STARD13: variants seen among roughly 807,000 people sequenced by gnomAD.
The protein encoded by STARD13 is StAR related lipid transfer domain containing 13, also known as stAR-related lipid transfer protein 13.
STARD13 carries 62 observed loss-of-function variants against 106.4 expected under a neutral mutation model. That is an observed-to-expected ratio of 0.58 (90% CI 0.48 to 0.72). The LOEUF (loss-of-function observed/expected upper bound fraction) is 0.72, where lower values mean the gene tolerates loss of function less well. Among genes scored for constraint, STARD13 ranks in the 30% least tolerant of loss-of-function variants. The probability of loss-of-function intolerance (pLI) is 0.00; values close to 1 mark genes in which losing one functional copy is unlikely to be tolerated. For missense variants in STARD13, 1,387 were observed against 1,424.0 expected (o/e 0.97, Z 0.42); for synonymous variants, 565 against 553.0 (o/e 1.02, Z -0.31).
the STARD13 span, among the ~76,000 whole-genome samples, chr13:33,675,565 G>A: frequency 6.6e-6 from 1 of 152,162 alleles, no homozygotes; most frequent in African/African-American, 2.4e-5. Flanking sequence ...GAAAGGATAT[G>A]GAGCAAGAAT....
chr13:33,372,604 G>A, the STARD13 span, among the ~76,000 whole-genome samples: 1 of 151,458 alleles, frequency 6.6e-6, no homozygotes, highest in Non-Finnish European at 1.5e-5. Flanking sequence ...TTTCAAATAT[G>A]AACCAACCGA....
chr13:33,450,077 C>A, the STARD13 span, among the ~76,000 whole-genome samples: 1 of 152,114 alleles, frequency 6.6e-6, no homozygotes, highest in African/African-American at 2.4e-5. Flanking sequence ...CCCTTTATTT[C>A]TTTCTTCTAC....
intron 1 of STARD13, among the ~76,000 whole-genome samples, chr13:33,293,947 C>T (rs1892388663): frequency 6.6e-6 from 1 of 152,178 alleles, no homozygotes; most frequent in South Asian, 2.1e-4. Flanking sequence ...TTATATCTAT[C>T]TATCCTATTA....
intron 1 of STARD13, among the ~76,000 whole-genome samples, chr13:33,293,534 C>T (rs559434873): frequency 2.6e-5 from 4 of 152,182 alleles, no homozygotes; most frequent in African/African-American, 4.8e-5. Flanking sequence ...TGGGAAGAGC[C>T]TTAAATACTG....
chr13:33,512,501 C>T, the STARD13 span, among the ~76,000 whole-genome samples: 1 of 151,774 alleles, frequency 6.6e-6, no homozygotes, highest in South Asian at 2.1e-4. Context: ...AAGTTTTGCT[C>T]TTGTCGCTTA....
chr13:33,203,678 T>C (rs886298719), intron 1 of STARD13, among the ~76,000 whole-genome samples: 4 of 152,208 alleles, frequency 2.6e-5, no homozygotes, highest in Non-Finnish European at 5.9e-5. Flanking sequence ...AATCAAATAG[T>C]TATTCTACAA....
At chr13:33,310,978 A>G (rs560322588) in intron 1 of STARD13, among the ~76,000 whole-genome samples, 8 of 152,240 alleles carry the variant, frequency 5.3e-5, no homozygotes, top group Middle Eastern at 3.4e-3. Flanking sequence ...CCATCTAGAC[A>G]TAGAAAAGGT....
At chr13:33,673,845 T>C in the STARD13 span, among the ~76,000 whole-genome samples, 1 of 151,518 alleles carries the variant, frequency 6.6e-6, no homozygotes, top group African/African-American at 2.4e-5. Context: ...CCCAGAATTA[T>C]TAACTCTTTT....
the STARD13 span, among the ~76,000 whole-genome samples, chr13:33,424,161 A>C: frequency 5.3e-5 from 8 of 152,152 alleles, no homozygotes; most frequent in South Asian, 2.1e-4. Flanking sequence ...CAACCAAAAA[A>C]CAAAAAACAA....
chr13:33,491,529 T>TC, the STARD13 span, among the ~76,000 whole-genome samples: 2 of 152,208 alleles, frequency 1.3e-5, no homozygotes, highest in Non-Finnish European at 2.9e-5. Context: ...TCATCAGTGA[T>TC]CTGTGAGACC....
the STARD13 span, among the ~76,000 whole-genome samples, chr13:33,530,282 G>C: frequency 5.9e-5 from 9 of 152,020 alleles, no homozygotes; most frequent in South Asian, 1.5e-3. Flanking sequence ...AGAACTCCCC[G>C]AGCCAAACCC....
chr13:33,262,499 A>G (rs879879504), intron 1 of STARD13, among the ~76,000 whole-genome samples: 7 of 152,110 alleles, frequency 4.6e-5, no homozygotes, highest in Non-Finnish European at 1.0e-4. Flanking sequence ...GATGATTCGA[A>G]CTTTCTGGGG....
intron 1 of STARD13, among the ~76,000 whole-genome samples, chr13:33,181,712 G>A (rs571233569): frequency 2.0e-5 from 3 of 152,142 alleles, no homozygotes; most frequent in Non-Finnish European, 4.4e-5. Flanking sequence ...ATGGCTATTC[G>A]TGGGCAGCAA....
chr13:33,142,164 A>T (rs548998670), intron 4 of STARD13, 146 bp downstream of exon 4: 4 of 647,898 alleles, frequency 6.2e-6, no homozygotes, highest in Non-Finnish European at 8.0e-6. Flanking sequence ...GATAGCTGGG[A>T]CTACAGGCAC....
intron 1 of STARD13, among the ~76,000 whole-genome samples, chr13:33,284,915 C>A (rs9536995): frequency 0.55 from 82,848 of 151,908 alleles, 23,287 homozygotes; most frequent in Non-Finnish European, 0.61. Context: ...CACCTTAATT[C>A]TCTACCAGGA....
At chr13:33,310,140 C>T (rs1353904497) in intron 1 of STARD13, among the ~76,000 whole-genome samples, 2 of 152,172 alleles carry the variant, frequency 1.3e-5, no homozygotes, top group Non-Finnish European at 1.5e-5. Context: ...CGGCAGCAGG[C>T]AGCTGTTGCT....
the STARD13 span, among the ~76,000 whole-genome samples, chr13:33,361,235 T>C: frequency 1.3e-5 from 2 of 151,702 alleles, no homozygotes; most frequent in Non-Finnish European, 2.9e-5. Flanking sequence ...GCTTACTCAA[T>C]GTGAAGACAA....
intron 3 of STARD13, among the ~76,000 whole-genome samples, chr13:33,155,083 A>G (rs1020059676): frequency 2.6e-5 from 4 of 152,070 alleles, no homozygotes; most frequent in Non-Finnish European, 5.9e-5. Context: ...ATGCACTCTC[A>G]GGGCCTTCCT....
At chr13:33,206,761 C>T (rs527473537) in intron 1 of STARD13, among the ~76,000 whole-genome samples, 7 of 152,302 alleles carry the variant, frequency 4.6e-5, no homozygotes, top group African/African-American at 7.2e-5. Context: ...TGTAGACTTT[C>T]GTATACTGCA....
Sources: allele counts gnomAD v4.1 joint callset (sites outside exome capture counted in the v4.1 genomes callset), GRCh38; gene constraint gnomAD v4.1.1; transcripts MANE v1.5; gene names NCBI Gene and HGNC (gene_info 2026-07-23, HGNC 2026-07-21).